The following RBM27 variants were observed in gnomAD, a reference collection of about 807,000 sequenced individuals.
RBM27 encodes RNA-binding protein 27.
RBM27 carries 22 observed loss-of-function variants against 135.3 expected under a neutral mutation model. The ratio of observed to expected loss-of-function variants is 0.16; its 90% CI spans 0.12 to 0.23. The LOEUF (loss-of-function observed/expected upper bound fraction) is 0.23. Among genes scored for constraint, RBM27 ranks in the 10% least tolerant of loss-of-function variants. The pLI, the probability that RBM27 is intolerant of heterozygous loss-of-function variation, is 1.00. For missense variants in RBM27, 1,009 were observed against 1,281.0 expected (o/e 0.79, Z 3.24); for synonymous variants, 481 against 442.4 (o/e 1.09, Z -1.10).
chr5:146,279,047 A>T (rs1228107336), intron 19 of RBM27, among the ~76,000 whole-genome samples: 1 of 152,124 alleles, frequency 6.6e-6, no homozygotes, highest in East Asian at 1.9e-4. Flanking sequence ...TATCATTTTA[A>T]ACCATATTTA....
intron 2 of RBM27, among the ~76,000 whole-genome samples, chr5:146,220,206 G>A (rs1418594070): frequency 3.3e-5 from 5 of 152,150 alleles, no homozygotes; most frequent in African/African-American, 4.8e-5. Flanking sequence ...GGCCAGGCGC[G>A]GTGGCTTACG....
At chr5:146,268,131 A>G (rs1489132523) in intron 15 of RBM27, among the ~76,000 whole-genome samples, 1 of 152,176 alleles carries the variant, frequency 6.6e-6, no homozygotes, top group Non-Finnish European at 1.5e-5. Flanking sequence ...GGGTTTTCCA[A>G]ATTAAATAGA....
At chr5:146,254,284 A>G (rs948296683) in intron 9 of RBM27, among the ~76,000 whole-genome samples, 8 of 152,298 alleles carry the variant, frequency 5.3e-5, no homozygotes, top group African/African-American at 1.7e-4. Context: ...GTGAGACTCC[A>G]TCTCCGTTTT....
chr5:146,244,261 A>G (rs1757525142), intron 8 of RBM27, among the ~76,000 whole-genome samples: 1 of 152,188 alleles, frequency 6.6e-6, no homozygotes, highest in African/African-American at 2.4e-5. Context: ...TTCAAAGGCC[A>G]AGGTTGGGAG....
intron 19 of RBM27, among the ~76,000 whole-genome samples, chr5:146,280,672 A>G (rs1246954506): frequency 6.6e-6 from 1 of 151,984 alleles, no homozygotes; most frequent in Non-Finnish European, 1.5e-5. Context: ...TACTCACTAA[A>G]ATTTATTTGT....
chr5:146,269,485 G>C lies in RBM27; in HGVS notation c.2592G>C (p.Lys864Asn), dbSNP rs1464511029. 6.3e-7 allele frequency: 1 copy of C among 1,581,458 alleles called. No homozygotes were observed. Among genetic ancestry groups the C allele is most frequent in the Non-Finnish European group, 8.6e-7 (1 of 1,166,104 alleles). Reference sequence around the variant, plus strand: ...CAGAAGAAAGAGCAAATATAATGAAGACTTTGAAAGAGCTTGGAGAGAAGA... The same window carrying C: ...CAGAAGAAAGAGCAAATATAATGAACACTTTGAAAGAGCTTGGAGAGAAGA... ...MKPEERANIMKTLKELGEKIS... is the reference protein window; with the variant it reads ...MKPEERANIMNTLKELGEKIS... Residue 864 changes from lysine to asparagine, a missense_variant, in exon 17 of 21, where the codon AAG becomes AAC. Coordinates refer to ENST00000265271, the MANE Select transcript of RBM27 (RefSeq NM_018989.2).
chr5:146,226,762 T>G (rs6898891), intron 3 of RBM27, among the ~76,000 whole-genome samples: 1 of 152,208 alleles, frequency 6.6e-6, no homozygotes, highest in Admixed American at 6.5e-5. Flanking sequence ...GATACAATTT[T>G]GAGAATTGTG....
Position 146,203,722 on chromosome 5 carries a change from C to T in RBM27, c.-44C>T. 2 of 1,534,526 alleles carry T rather than the reference C, an allele frequency of 1.3e-6. No individual in the cohort carries two copies. The highest frequency in any genetic ancestry group is 1.2e-5 in the South Asian group (1 of 83,470). Reference sequence around the variant, plus strand: ...GGGGCGGCGTAGTGGAGACCCACGGCAGGCCTGAAGAAGAGCGGCGGCCGA... The same window carrying T: ...GGGGCGGCGTAGTGGAGACCCACGGTAGGCCTGAAGAAGAGCGGCGGCCGA... On this transcript the variant is annotated 5_prime_UTR_variant, in exon 1 of 21. Transcript: ENST00000265271.
At chr5:146,267,889 G>C (rs1306081134) in intron 15 of RBM27, 121 bp downstream of exon 15, 1 of 1,002,234 alleles carries the variant, frequency 1.0e-6, no homozygotes, top group Non-Finnish European at 1.5e-6. Context: ...TGCTTATTTA[G>C]CTTCTTCTCT....
At chr5:146,228,845 T>C in intron 3 of RBM27, 101 bp from the exon 4 acceptor site, 1 of 794,010 alleles carries the variant, frequency 1.3e-6, no homozygotes, top group Non-Finnish European at 2.1e-6. Flanking sequence ...TATCCTGGCC[T>C]CAAGCAGTCT....
At chr5:146,259,668 A>T in intron 11 of RBM27, among the ~76,000 whole-genome samples, 1 of 151,706 alleles carries the variant, frequency 6.6e-6, no homozygotes, top group South Asian at 2.1e-4. Flanking sequence ...CACCTTTTCT[A>T]TTCTCATGTA....
At chr5:146,233,151 GT>G (rs1214819835) in intron 6 of RBM27, among the ~76,000 whole-genome samples, 11 of 152,176 alleles carry the variant, frequency 7.2e-5, no homozygotes, top group African/African-American at 2.2e-4. Context: ...AAATATCTGA[GT>G]TTTTATTATG....
intron 8 of RBM27, among the ~76,000 whole-genome samples, chr5:146,242,845 G>A (rs1581186340): frequency 6.6e-6 from 1 of 151,936 alleles, no homozygotes; most frequent in Non-Finnish European, 1.5e-5. Context: ...TGATCCTTCC[G>A]ACTCAGCCTC....
At chr5:146,218,849 T>C (rs1756323474) in intron 1 of RBM27, 136 bp from the exon 2 acceptor site, 2 of 528,246 alleles carry the variant, frequency 3.8e-6, no homozygotes, top group Admixed American at 7.2e-5. Context: ...ATTATAAAAG[T>C]TGCCTGTGTT....
In RBM27 at chr5:146,230,751, G is replaced by A. The variant is rs375871104; in HGVS notation, c.684G>A (p.Gln228=). The A allele has an allele frequency of 5.0e-6, 8 of 1,613,944 alleles. No individual in the cohort carries two copies. Among genetic ancestry groups the A allele is most frequent in the African/African-American group, 1.3e-5 (1 of 74,906 alleles). ...VSAPPPNSSE[Q]YSSGAQSIPS... ...CACCACCTCCAAACTCTTCTGAGCA[G>A]TATTCCTCTGGGGCACAGTCTATTC... The change falls in exon 6 of 21, where the codon CAG becomes CAA. Residue 228 remains glutamine, a synonymous_variant. Coordinates refer to ENST00000265271, the MANE Select transcript of RBM27 (RefSeq NM_018989.2).
intron 19 of RBM27, among the ~76,000 whole-genome samples, chr5:146,284,114 G>A (rs1260110622): frequency 6.6e-6 from 1 of 152,160 alleles, no homozygotes; most frequent in African/African-American, 2.4e-5. Flanking sequence ...AATGTTTATT[G>A]AATGCATAGA....
chr5:146,250,502 A>G (rs1316860994), intron 8 of RBM27, among the ~76,000 whole-genome samples: 1 of 151,820 alleles, frequency 6.6e-6, no homozygotes, highest in Non-Finnish European at 1.5e-5. Flanking sequence ...TTGGACATAT[A>G]TAATAACTAA....
chr5:146,248,741 C>T (rs1413688509), intron 8 of RBM27, among the ~76,000 whole-genome samples: 1 of 152,126 alleles, frequency 6.6e-6, no homozygotes, highest in Non-Finnish European at 1.5e-5. Context: ...GCTGTAATCA[C>T]AGGTGTGAGC....
intron 7 of RBM27, among the ~76,000 whole-genome samples, chr5:146,234,467 T>C (rs931261908): frequency 5.9e-5 from 9 of 152,086 alleles, no homozygotes; most frequent in African/African-American, 2.2e-4. Flanking sequence ...TTCACCAGTA[T>C]GTACTTCAGT....
Sources: allele counts gnomAD v4.1 joint callset (sites outside exome capture counted in the v4.1 genomes callset), GRCh38; gene constraint gnomAD v4.1.1; transcripts MANE v1.5; gene names NCBI Gene and HGNC (gene_info 2026-07-23, HGNC 2026-07-21).